The following CHD9 variants were observed in gnomAD, a reference collection of about 807,000 sequenced individuals.
CHD9 encodes ATP-dependent chromatin remodeler CHD9.
A neutral mutation model predicts 316.1 loss-of-function variants in CHD9; 77 were observed. That is an observed-to-expected ratio of 0.24 (90% CI 0.20 to 0.29). The LOEUF (loss-of-function observed/expected upper bound fraction) is 0.29. CHD9 is among the 10% of genes least tolerant of loss of function. The pLI is 1.00. For synonymous variants in CHD9, 1,129 were observed against 1,158.3 expected, an observed-to-expected ratio of 0.97 and a Z score of 0.51; for missense variants, 2,763 against 3,438.1, an observed-to-expected ratio of 0.80 and a Z score of 4.91.
chr16:53,313,651 T>C (rs2056650296), intron 34 of CHD9, among the ~76,000 whole-genome samples: 1 of 151,822 alleles, frequency 6.6e-6, no homozygotes, highest in African/African-American at 2.4e-5. Context: ...ATTTTTAAGT[T>C]TAGAAAAATC....
intron 2 of CHD9, among the ~76,000 whole-genome samples, chr16:53,191,767 A>G (rs1198960950): frequency 6.6e-6 from 1 of 152,052 alleles, no homozygotes; most frequent in Non-Finnish European, 1.5e-5. Context: ...ATATGTTTTC[A>G]TTTATTTTGG....
At chr16:53,309,499 A>C (rs943161725) in intron 34 of CHD9, among the ~76,000 whole-genome samples, 22 of 152,196 alleles carry the variant, frequency 1.4e-4, no homozygotes, top group Admixed American at 1.4e-3. Context: ...CTCCCCTACA[A>C]ACTATCTGTC....
intron 17 of CHD9, 28 bp from the exon 18 acceptor site, chr16:53,254,410 T>G: frequency 4.0e-6 from 6 of 1,497,718 alleles, no homozygotes; most frequent in Non-Finnish European, 3.6e-6. Flanking sequence ...GAGAAACTAA[T>G]TAAATATGTA....
At position 53,228,017 on chromosome 16, in the gene CHD9, T is replaced by C. The variant is rs867219349; in HGVS notation, c.2168+414T>C. On this transcript the variant is annotated intron_variant, in intron 7 of 38. Coordinates refer to ENST00000447540, the MANE Select transcript of CHD9 (RefSeq NM_001308319.2). ...AGGAGAATCACTTGAAGCCAGGAGG[T>C]GGAGGTTGCTGTGAGCCGAGATCGT... Among the ~76,000 whole-genome samples, 5 of 151,110 alleles carry C rather than the reference T, an allele frequency of 3.3e-5. No homozygotes were observed. The South Asian group carries it at 1.0e-3, about 32-fold the overall frequency.
chr16:53,176,072 A>T (rs2043078239), intron 2 of CHD9, among the ~76,000 whole-genome samples: 1 of 152,210 alleles, frequency 6.6e-6, no homozygotes, highest in East Asian at 1.9e-4. Flanking sequence ...GGTGTCTTAG[A>T]ACAACACATA....
chr16:53,108,482 A>G (rs1234067207), intron 1 of CHD9, among the ~76,000 whole-genome samples: 1 of 151,214 alleles, frequency 6.6e-6, no homozygotes, highest in African/African-American at 2.4e-5. Flanking sequence ...TCCAGCCTGG[A>G]TAACAGAGTG....
At chr16:53,109,260 C>A (rs1232718299) in intron 1 of CHD9, among the ~76,000 whole-genome samples, 2 of 152,146 alleles carry the variant, frequency 1.3e-5, no homozygotes, top group African/African-American at 4.8e-5. Flanking sequence ...TCCTGAGGGG[C>A]AGGGGTGTTT....
At chr16:53,191,555 T>C (rs1156232778) in intron 2 of CHD9, among the ~76,000 whole-genome samples, 1 of 152,162 alleles carries the variant, frequency 6.6e-6, no homozygotes, top group Non-Finnish European at 1.5e-5. Context: ...CTGGTTTCTT[T>C]TATTCAGCAT....
chr16:53,132,958 G>A (rs963915206), intron 1 of CHD9, among the ~76,000 whole-genome samples: 7 of 151,986 alleles, frequency 4.6e-5, no homozygotes, highest in African/African-American at 1.7e-4. Flanking sequence ...ACAGGTGCGC[G>A]CCACCACGCC....
At chr16:53,228,876 A>G (rs940033496) in intron 7 of CHD9, 107 bp from the exon 8 acceptor site, 2 of 536,474 alleles carry the variant, frequency 3.7e-6, no homozygotes, top group African/African-American at 1.9e-5. Flanking sequence ...TGAACTACCT[A>G]TTTGAAAAGT....
intron 2 of CHD9, among the ~76,000 whole-genome samples, chr16:53,167,563 A>G (rs1015070216): frequency 6.6e-6 from 1 of 151,642 alleles, no homozygotes; most frequent in Non-Finnish European, 1.5e-5. Flanking sequence ...TTTACAAACA[A>G]AAAATTAATT....
chr16:53,118,976 G>C (rs2038532822), intron 1 of CHD9, among the ~76,000 whole-genome samples: 1 of 152,052 alleles, frequency 6.6e-6, no homozygotes, highest in African/African-American at 2.4e-5. Context: ...ATTTTTAGTA[G>C]AGATGGGGTT....
intron 1 of CHD9, among the ~76,000 whole-genome samples, chr16:53,091,843 C>T (rs577685212): frequency 2.0e-5 from 3 of 152,128 alleles, no homozygotes; most frequent in Non-Finnish European, 4.4e-5. Context: ...TTCTCTCCTT[C>T]CTTCCTTTTG....
chr16:53,222,820 C>A, intron 4 of CHD9, 65 bp downstream of exon 4: 2 of 741,088 alleles, frequency 2.7e-6, no homozygotes, highest in African/African-American at 1.8e-5. Context: ...CATAATATTG[C>A]CTTATAGATA....
chr16:53,208,961 G>A (rs2046111192), intron 2 of CHD9, among the ~76,000 whole-genome samples: 1 of 152,136 alleles, frequency 6.6e-6, no homozygotes, highest in South Asian at 2.1e-4. Context: ...TTTTAAGTAT[G>A]AGAATGTCTG....
intron 1 of CHD9, among the ~76,000 whole-genome samples, chr16:53,056,831 G>C (rs2032184546): frequency 6.6e-6 from 1 of 152,162 alleles, no homozygotes; most frequent in African/African-American, 2.4e-5. Context: ...GAGAGAAACA[G>C]GAAGAAAGTG....
At chr16:53,158,126 A>T (rs1023913370) in intron 2 of CHD9, among the ~76,000 whole-genome samples, 2 of 152,222 alleles carry the variant, frequency 1.3e-5, no homozygotes, top group African/African-American at 4.8e-5. Flanking sequence ...TGACAAATTT[A>T]TGGTGAAATT....
chr16:53,131,336 G>A, intron 1 of CHD9: 1 of 150,296 alleles, frequency 6.7e-6, no homozygotes, highest in Non-Finnish European at 1.4e-5. Context: ...CGCCGCCGCT[G>A]CTCGGCCGGT....
rs112663400 is a variant in CHD9 at position 53,284,351 on chromosome 16, GTA to G, written c.4968-1232_4968-1231del. 8.8e-3 allele frequency among the ~76,000 whole-genome samples: 1,328 copies of G among 150,086 alleles called. 10 individuals are homozygous for G. Among genetic ancestry groups the G allele is most frequent in the Non-Finnish European group, 0.014 (977 of 67,502 alleles). ...CAAATATAAGAAAATGTGTGTGTGT[GTA>G]TATATATATATAATATACATATTTG... On this transcript the variant is annotated intron_variant, in intron 24 of 38. Coordinates refer to ENST00000447540, the MANE Select transcript of CHD9 (RefSeq NM_001308319.2).
Sources: allele counts gnomAD v4.1 joint callset (sites outside exome capture counted in the v4.1 genomes callset), GRCh38; gene constraint gnomAD v4.1.1; transcripts MANE v1.5; gene names NCBI Gene and HGNC (gene_info 2026-07-23, HGNC 2026-07-21).